Variants in ZMYND11 observed in about 807,000 individuals in gnomAD.
ZMYND11 encodes zinc finger MYND domain-containing protein 11.
A neutral mutation model predicts 84.9 loss-of-function variants in ZMYND11; 9 were observed. The ratio of observed to expected loss-of-function variants is 0.11; its 90% CI spans 0.06 to 0.18. The LOEUF is 0.18. ZMYND11 is among the 10% of genes least tolerant of loss of function. ZMYND11 has a pLI of 1.00. For missense variants in ZMYND11, 409 were observed against 761.0 expected (o/e 0.54, Z 5.44); for synonymous variants, 250 against 244.1 (o/e 1.02, Z -0.23).
chr10:195,187 T>A (rs1941431970), intron 2 of ZMYND11, among the ~76,000 whole-genome samples: 1 of 152,136 alleles, frequency 6.6e-6, no homozygotes, highest in Admixed American at 6.5e-5. Flanking sequence ...CTAGATTTAT[T>A]TACCTTTCAA....
In ZMYND11 at chr10:209,794, CATA is replaced by C. The variant is rs1187977479; in HGVS notation, c.117-92_117-90del. The stretch of plus-strand genomic sequence containing the variant: ...CAACAGGACTCTCATAAATACAAGT[CATA>C]ATGAAAGAAATTACCACCATTTTCT... On this transcript the variant is annotated intron_variant, in intron 2 of 14. Coordinates refer to ENST00000381604, the MANE Select transcript of ZMYND11 (RefSeq NM_001370100.5). 154 of 1,228,538 alleles carry C rather than the reference CATA, an allele frequency of 1.3e-4. 1 individual carries two copies. In the African/African-American group the frequency reaches 2.1e-3, roughly 16 times the overall value. The allele number at this position is 1,228,538 out of a possible 1,614,324, so 76.1% of individuals were successfully genotyped here. A position where few individuals can be genotyped will look rare whatever the true frequency, so the allele number is the denominator to read the frequency against.
chr10:165,545 C>CAT (rs1554763481), intron 1 of ZMYND11, among the ~76,000 whole-genome samples: 1 of 152,110 alleles, frequency 6.6e-6, no homozygotes, highest in Admixed American at 6.6e-5. Flanking sequence ...CACACAGATA[C>CAT]ATATACCACT....
intron 2 of ZMYND11, among the ~76,000 whole-genome samples, chr10:180,791 A>G (rs1310339630): frequency 6.6e-6 from 1 of 152,240 alleles, no homozygotes; most frequent in Non-Finnish European, 1.5e-5. Context: ...TAATTTTAAC[A>G]TAGGATAGGC....
intron 1 of ZMYND11, among the ~76,000 whole-genome samples, chr10:166,799 C>G (rs1163649067): frequency 6.6e-6 from 1 of 152,092 alleles, no homozygotes; most frequent in Non-Finnish European, 1.5e-5. Flanking sequence ...TGCCAGTGTT[C>G]ACTGCAGTCT....
chr10:230,920 C>G (rs548671041), intron 4 of ZMYND11, among the ~76,000 whole-genome samples: 1 of 152,192 alleles, frequency 6.6e-6, no homozygotes, highest in Admixed American at 6.5e-5. Flanking sequence ...ATTATGGACC[C>G]TGCTTTCACA....
At chr10:151,282 G>A (rs1554756942) in intron 1 of ZMYND11, among the ~76,000 whole-genome samples, 1 of 152,196 alleles carries the variant, frequency 6.6e-6, no homozygotes, top group Non-Finnish European at 1.5e-5. Context: ...AAAGGAGGAA[G>A]TTCGAACCCA....
intron 2 of ZMYND11, among the ~76,000 whole-genome samples, chr10:196,563 A>G (rs991780038): frequency 6.6e-6 from 1 of 152,234 alleles, no homozygotes; most frequent in African/African-American, 2.4e-5. Flanking sequence ...AGTAGGTTAT[A>G]CATCATAAAA....
chr10:252,827 G>C lies in ZMYND11; in HGVS notation c.*357G>C, dbSNP rs1953765473. The C allele has an allele frequency of 1.7e-5, 3 of 178,428 alleles. No individual in the cohort carries two copies. Among genetic ancestry groups the C allele is most frequent in the Admixed American group, 1.2e-4 (2 of 16,788 alleles). 11.1% of individuals were successfully genotyped at this position (178,428 alleles called of 1,614,324 possible). A position where few individuals can be genotyped will look rare whatever the true frequency, so the allele number is the denominator to read the frequency against. ...AGTGAGTTTAACAAAGAAACATTTA[G>C]AATAGATCTGAATGTAAGAACTACA... On this transcript the variant is annotated 3_prime_UTR_variant, in exon 15 of 15. Transcript: ENST00000381604. The surrounding 1 kb of genome is among the most constrained non-coding windows in gnomAD (Gnocchi z 4.6).
At chr10:179,806 G>A (rs958614602) in intron 1 of ZMYND11, among the ~76,000 whole-genome samples, 188 bp from the exon 2 acceptor site, 3 of 152,118 alleles carry the variant, frequency 2.0e-5, no homozygotes, top group Admixed American at 6.6e-5. Context: ...TCTTCATGAT[G>A]TAATGAAATG....
At chr10:190,354 A>G (rs1410295609) in intron 2 of ZMYND11, among the ~76,000 whole-genome samples, 1 of 152,060 alleles carries the variant, frequency 6.6e-6, no homozygotes, top group Non-Finnish European at 1.5e-5. Context: ...TCCCATGCAT[A>G]GGTGTTGCTG....
At chr10:228,752 G>A (rs1329059338) in intron 4 of ZMYND11, among the ~76,000 whole-genome samples, 2 of 152,132 alleles carry the variant, frequency 1.3e-5, no homozygotes, top group Non-Finnish European at 2.9e-5. Flanking sequence ...ATGTAGAAGG[G>A]GAAAGGAACA....
At position 249,120 on chromosome 10, in the gene ZMYND11, C is replaced by G. The variant is rs756471896; in HGVS notation, c.1686+32C>G. Reference sequence around the variant, plus strand: ...ACCAGTCTTTTTTAGACCCTTATTTCTGAAAATGTACCACAGGTATGATGC... The same window carrying G: ...ACCAGTCTTTTTTAGACCCTTATTTGTGAAAATGTACCACAGGTATGATGC... On this transcript the variant is annotated intron_variant, in intron 14 of 14. Coordinates refer to ENST00000381604, the MANE Select transcript of ZMYND11 (RefSeq NM_001370100.5). 41 of 1,613,326 alleles carry G rather than the reference C, an allele frequency of 2.5e-5. No individual in the cohort carries two copies. In the South Asian group the frequency reaches 2.7e-4, roughly 11 times the overall value.
Position 252,531 on chromosome 10 carries a change from T to G in ZMYND11, c.*61T>G. On this transcript the variant is annotated 3_prime_UTR_variant, in exon 15 of 15. Transcript: ENST00000381604. The surrounding 1 kb of genome is among the most constrained non-coding windows in gnomAD (Gnocchi z 4.6). ...CTTTTCAGACACAGCGGTTTTTGTT[T>G]CCAAGAAGCCAAAATTGTTTAGAAT... 6.5e-7 allele frequency: 1 copy of G among 1,533,066 alleles called. No homozygotes were observed. The allele number at this position is 1,533,066 out of a possible 1,614,324, so 95.0% of individuals were successfully genotyped here.
chr10:146,357 T>A (rs999334538), intron 1 of ZMYND11, among the ~76,000 whole-genome samples: 2 of 152,208 alleles, frequency 1.3e-5, no homozygotes, highest in Non-Finnish European at 1.5e-5. Context: ...ATTTGAGCCA[T>A]TTTTTGATTC....
intron 3 of ZMYND11, among the ~76,000 whole-genome samples, chr10:219,763 C>T (rs1324230975): frequency 6.6e-6 from 1 of 152,072 alleles, no homozygotes; most frequent in Non-Finnish European, 1.5e-5. Context: ...GATTCCAGCC[C>T]AACTGAAATT....
At chr10:145,913 G>C (rs2131230011) in intron 1 of ZMYND11, among the ~76,000 whole-genome samples, 1 of 152,130 alleles carries the variant, frequency 6.6e-6, no homozygotes, top group South Asian at 2.1e-4. Context: ...TTTTGTTTTT[G>C]TGGCATTTGC....
At chr10:145,813 A>C (rs1274058131) in intron 1 of ZMYND11, among the ~76,000 whole-genome samples, 2 of 151,960 alleles carry the variant, frequency 1.3e-5, no homozygotes, top group African/African-American at 4.8e-5. Context: ...ATAGTTTCCA[A>C]ATATTTTCTC....
intron 8 of ZMYND11, 29 bp downstream of exon 8, chr10:240,140 C>G (rs756590423): frequency 2.0e-6 from 3 of 1,482,952 alleles, no homozygotes; most frequent in East Asian, 2.4e-5. Context: ...TAGTTATACT[C>G]TTTCTATAAC....
intron 1 of ZMYND11, among the ~76,000 whole-genome samples, chr10:178,716 G>C (rs1420736989): frequency 6.6e-6 from 1 of 152,204 alleles, no homozygotes; most frequent in Admixed American, 6.5e-5. Context: ...ACTATTAGAA[G>C]TAATAGTGTG....
Sources: allele counts gnomAD v4.1 joint callset (sites outside exome capture counted in the v4.1 genomes callset), GRCh38; gene constraint gnomAD v4.1.1; non-coding constraint Gnocchi (gnomAD v3.1); transcripts MANE v1.5; gene names NCBI Gene and HGNC (gene_info 2026-07-23, HGNC 2026-07-21).